The following DAB1 variants were observed in gnomAD, a reference collection of about 807,000 sequenced individuals.
DAB1 encodes disabled homolog 1.
In DAB1, 15 loss-of-function variants were observed where a neutral mutation model predicts 64.6. The ratio of observed to expected loss-of-function variants is 0.23; its 90% CI spans 0.16 to 0.36. DAB1 has a LOEUF of 0.36. Among genes scored for constraint, DAB1 ranks in the 10% least tolerant of loss-of-function variants. DAB1 has a pLI of 1.00. For missense variants in DAB1, 596 were observed against 706.7 expected (o/e 0.84, Z 1.78); for synonymous variants, 235 against 251.9 (o/e 0.93, Z 0.64).
chr1:57,475,077 T>C (rs774026842), intron 7 of DAB1, among the ~76,000 whole-genome samples: 6 of 152,120 alleles, frequency 3.9e-5, no homozygotes, highest in Admixed American at 6.5e-5. Context: ...CCGTCCAACA[T>C]GGTGAAACCC....
At chr1:58,058,847 G>A (rs999377643) in intron 5 of DAB1, among the ~76,000 whole-genome samples, 1 of 152,174 alleles carries the variant, frequency 6.6e-6, no homozygotes, top group Non-Finnish European at 1.5e-5. Flanking sequence ...GAACTATCTT[G>A]CATATTAAAT....
At chr1:58,050,212 T>G (rs1395400849) in intron 5 of DAB1, among the ~76,000 whole-genome samples, 1 of 152,180 alleles carries the variant, frequency 6.6e-6, no homozygotes, top group African/African-American at 2.4e-5. Flanking sequence ...GAGTCTGAAA[T>G]TTATCGGGCC....
At chr1:58,000,601 C>T (rs190112873) in intron 5 of DAB1, among the ~76,000 whole-genome samples, 43 of 123,442 alleles carry the variant, frequency 3.5e-4, no homozygotes, top group African/African-American at 1.1e-3. Context: ...GACAGAGTCT[C>T]GCTCTGTCAG....
intron 1 of DAB1, among the ~76,000 whole-genome samples, chr1:57,348,846 A>G (rs1293113366): frequency 1.3e-5 from 2 of 152,022 alleles, no homozygotes; most frequent in African/African-American, 2.4e-5. Flanking sequence ...TATTTCTCCA[A>G]CAAGACTCCA....
intron 4 of DAB1, among the ~76,000 whole-genome samples, chr1:58,204,355 C>T (rs1013391132): frequency 6.6e-6 from 1 of 152,174 alleles, no homozygotes; most frequent in Non-Finnish European, 1.5e-5. Context: ...TTTCCTTTCG[C>T]AAATATGCAT....
At chr1:57,168,719 T>A (rs1035265703) in intron 2 of DAB1, among the ~76,000 whole-genome samples, 3 of 152,188 alleles carry the variant, frequency 2.0e-5, no homozygotes, top group Non-Finnish European at 4.4e-5. Context: ...CTTTACCAAA[T>A]GCCCCTTTCT....
chr1:58,142,128 A>T (rs909460499), intron 5 of DAB1, among the ~76,000 whole-genome samples: 3 of 151,990 alleles, frequency 2.0e-5, no homozygotes, highest in African/African-American at 7.2e-5. Flanking sequence ...AATAAGAGGC[A>T]TGGACACTCC....
At chr1:58,087,625 G>A (rs530680423) in intron 5 of DAB1, among the ~76,000 whole-genome samples, 23 of 152,258 alleles carry the variant, frequency 1.5e-4, no homozygotes, top group African/African-American at 5.5e-4. Context: ...AGGAGCTTGA[G>A]GACCAGTGGA....
At chr1:57,033,489 G>A in intron 9 of DAB1, 1 of 1,612,774 alleles carries the variant, frequency 6.2e-7, no homozygotes, top group South Asian at 1.1e-5. Context: ...AAAATGACAT[G>A]AAACAGTTAA....
chr1:57,176,514 C>T (rs923498444), intron 2 of DAB1, among the ~76,000 whole-genome samples: 1 of 152,114 alleles, frequency 6.6e-6, no homozygotes, highest in African/African-American at 2.4e-5. Context: ...GTGGGAGTTA[C>T]AATTCAAGAT....
chr1:57,996,681 C>G (rs1040274744), intron 5 of DAB1, among the ~76,000 whole-genome samples: 3 of 152,162 alleles, frequency 2.0e-5, no homozygotes, highest in Admixed American at 2.0e-4. Context: ...TTGCATCCCC[C>G]CTTCTAGCTC....
At chr1:57,414,045 G>A (rs918236360) in intron 1 of DAB1, among the ~76,000 whole-genome samples, 30 of 152,204 alleles carry the variant, frequency 2.0e-4, no homozygotes, top group African/African-American at 7.2e-4. Context: ...GGTTTCTTGA[G>A]ATGGAATCTA....
chr1:57,571,369 A>G (rs951398092), intron 7 of DAB1, among the ~76,000 whole-genome samples: 3 of 152,126 alleles, frequency 2.0e-5, no homozygotes, highest in Non-Finnish European at 2.9e-5. Flanking sequence ...TGTCATCCTT[A>G]CCACCCATTT....
chr1:58,047,602 T>A, intron 5 of DAB1, among the ~76,000 whole-genome samples: 1 of 152,308 alleles, frequency 6.6e-6, no homozygotes, highest in African/African-American at 2.4e-5. Flanking sequence ...CATTCGCTTG[T>A]TTATGGTTAA....
chr1:58,001,341 G>A (rs763989332), intron 5 of DAB1, among the ~76,000 whole-genome samples: 47 of 152,092 alleles, frequency 3.1e-4, no homozygotes, highest in Non-Finnish European at 5.6e-4. Context: ...TCAGCTCACT[G>A]TAATCTCCAC....
intron 4 of DAB1, among the ~76,000 whole-genome samples, chr1:58,260,515 T>C (rs556974913): frequency 6.6e-6 from 1 of 152,302 alleles, no homozygotes; most frequent in Non-Finnish European, 1.5e-5. Flanking sequence ...ATCATCCTTA[T>C]TGCCTAATCA....
chr1:57,619,583 T>G (rs1478704334), intron 7 of DAB1, among the ~76,000 whole-genome samples: 1 of 151,926 alleles, frequency 6.6e-6, no homozygotes, highest in Non-Finnish European at 1.5e-5. Context: ...AAACTATTTT[T>G]GTAGAGATAG....
chr1:57,254,471 C>A (rs1166112198), intron 2 of DAB1, among the ~76,000 whole-genome samples: 2 of 152,226 alleles, frequency 1.3e-5, no homozygotes, highest in Non-Finnish European at 2.9e-5. Context: ...CATCAGAAAT[C>A]ATTGCTCTTG....
intron 3 of DAB1, among the ~76,000 whole-genome samples, chr1:58,461,363 T>A (rs1364165333): frequency 1.3e-5 from 2 of 152,196 alleles, no homozygotes; most frequent in African/African-American, 4.8e-5. Context: ...AGAGTCTAGT[T>A]CTTTCTTTTA....
Sources: allele counts gnomAD v4.1 joint callset (sites outside exome capture counted in the v4.1 genomes callset), GRCh38; gene constraint gnomAD v4.1.1; transcripts MANE v1.5; gene names NCBI Gene and HGNC (gene_info 2026-07-23, HGNC 2026-07-21).